Variants in CTDSPL observed in about 807,000 individuals in gnomAD.
CTDSPL encodes CTD small phosphatase like.
A neutral mutation model predicts 30.5 loss-of-function variants in CTDSPL; 8 were observed. That is an observed-to-expected ratio of 0.26 (90% CI 0.15 to 0.47). CTDSPL has a LOEUF of 0.47. Among genes scored for constraint, CTDSPL ranks in the 20% least tolerant of loss-of-function variants. CTDSPL has a pLI of 0.99. For synonymous variants in CTDSPL, 110 were observed against 137.9 expected (o/e 0.80, Z 1.42); for missense variants, 248 against 366.1 (o/e 0.68, Z 2.63).
intron 7 of CTDSPL, 72 bp from the exon 8 acceptor site, chr3:37,980,670 A>G: frequency 1.3e-6 from 2 of 1,556,866 alleles, no homozygotes; most frequent in South Asian, 1.2e-5. Flanking sequence ...AAGTCCGGGT[A>G]CCCGGTTAGG....
chr3:37,870,024 AT>A (rs898266419), intron 1 of CTDSPL, among the ~76,000 whole-genome samples: 2 of 151,620 alleles, frequency 1.3e-5, no homozygotes, highest in African/African-American at 2.4e-5. Flanking sequence ...TTTGTTAAGG[AT>A]TTTTTTGTCT....
chr3:37,977,811 C>T (rs563090010), intron 7 of CTDSPL, among the ~76,000 whole-genome samples: 1 of 151,850 alleles, frequency 6.6e-6, no homozygotes, highest in Admixed American at 6.6e-5. Context: ...GTGGGAGGAT[C>T]TCTTGAGCCC....
At chr3:37,882,623 T>A (rs1026655084) in intron 1 of CTDSPL, among the ~76,000 whole-genome samples, 2 of 149,232 alleles carry the variant, frequency 1.3e-5, no homozygotes, top group African/African-American at 4.9e-5. Context: ...TCTCAAAAAA[T>A]AATAATAATA....
chr3:37,955,172 G>C (rs781528635), intron 2 of CTDSPL: 3 of 152,282 alleles, frequency 2.0e-5, no homozygotes, highest in Non-Finnish European at 4.4e-5. Context: ...GTAGAGGCCA[G>C]GGATGCTGTT....
At chr3:37,940,830 C>T (rs2125619721) in intron 1 of CTDSPL, among the ~76,000 whole-genome samples, 1 of 150,410 alleles carries the variant, frequency 6.6e-6, no homozygotes, top group African/African-American at 2.4e-5. Context: ...GTCAGATGTC[C>T]ACTACACTCC....
At position 37,984,166 on chromosome 3, in the gene CTDSPL, T is replaced by G. The variant is rs1264336830; in HGVS notation, c.*3299T>G. The stretch of plus-strand genomic sequence containing the variant: ...GTGAATGGCTTGACGTACTTGCAGT[T>G]AACTGTGCAAAATTGGCTGGCTGCC... On this transcript the variant is annotated 3_prime_UTR_variant, in exon 8 of 8. Coordinates refer to ENST00000273179, the MANE Select transcript of CTDSPL (RefSeq NM_001008392.2). 2.2e-6 allele frequency: 1 copy of G among 455,270 alleles called. No individual in the cohort carries two copies. The allele number at this position is 455,270 out of a possible 1,614,324, so 28.2% of individuals were successfully genotyped here. A position where few individuals can be genotyped will look rare whatever the true frequency, so the allele number is the denominator to read the frequency against.
At chr3:37,876,858 A>G (rs1210564064) in intron 1 of CTDSPL, among the ~76,000 whole-genome samples, 1 of 152,000 alleles carries the variant, frequency 6.6e-6, no homozygotes, top group Non-Finnish European at 1.5e-5. Context: ...CTGTAATCCC[A>G]GCACTTTGGG....
In CTDSPL at chr3:37,957,098, T is replaced by C; in HGVS notation, c.235-13T>C. On this transcript the variant is annotated splice_polypyrimidine_tract_variant and intron_variant, in intron 2 of 7. Transcript: ENST00000273179. ...TCGAACCTGACAATGATTTTTTTTT[T>C]CTTTTTCCTCAGGGTGACCAGAGGC... 6.3e-7 allele frequency: 1 copy of C among 1,598,122 alleles called. No homozygotes were observed. Among genetic ancestry groups the C allele is most frequent in the East Asian group, 2.2e-5 (1 of 44,620 alleles).
chr3:37,870,522 G>C (rs1017615206), intron 1 of CTDSPL, among the ~76,000 whole-genome samples: 1 of 151,992 alleles, frequency 6.6e-6, no homozygotes, highest in Non-Finnish European at 1.5e-5. Context: ...GTTCTTTGTT[G>C]CATTGATTTT....
chr3:37,882,681 T>C (rs1445126844), intron 1 of CTDSPL, among the ~76,000 whole-genome samples: 2 of 152,150 alleles, frequency 1.3e-5, no homozygotes, highest in Admixed American at 1.3e-4. Context: ...TTAAAAATAT[T>C]ACTGCCTTCA....
intron 1 of CTDSPL, among the ~76,000 whole-genome samples, chr3:37,889,008 C>G (rs1269039521): frequency 6.6e-6 from 1 of 152,148 alleles, no homozygotes; most frequent in African/African-American, 2.4e-5. Flanking sequence ...ATAATCTTAC[C>G]TCTGGGTCTT....
At chr3:37,961,310 G>A (rs886951145) in intron 3 of CTDSPL, among the ~76,000 whole-genome samples, 11 of 152,166 alleles carry the variant, frequency 7.2e-5, no homozygotes, top group African/African-American at 1.7e-4. Context: ...TTTGGTGAAC[G>A]TCGGGTATTG....
At chr3:37,971,841 C>T (rs1341169792) in intron 6 of CTDSPL, among the ~76,000 whole-genome samples, 1 of 152,188 alleles carries the variant, frequency 6.6e-6, no homozygotes, top group Non-Finnish European at 1.5e-5. Flanking sequence ...CAGCCAACTG[C>T]TAGAGGCCCC....
intron 1 of CTDSPL, among the ~76,000 whole-genome samples, chr3:37,909,649 A>T (rs1402262167): frequency 6.6e-6 from 1 of 152,232 alleles, no homozygotes; most frequent in Non-Finnish European, 1.5e-5. Flanking sequence ...GGAGGGAAAG[A>T]AATAGTCCTG....
intron 1 of CTDSPL, among the ~76,000 whole-genome samples, chr3:37,922,743 G>T (rs1180040721): frequency 6.6e-6 from 1 of 152,148 alleles, no homozygotes; most frequent in Non-Finnish European, 1.5e-5. Flanking sequence ...AGCATTCCAG[G>T]TTCCAAACAA....
At chr3:37,888,111 T>C (rs1698283212) in intron 1 of CTDSPL, among the ~76,000 whole-genome samples, 1 of 152,106 alleles carries the variant, frequency 6.6e-6, no homozygotes, top group Admixed American at 6.6e-5. Context: ...CTTCATAAAG[T>C]TTGGGTCTGA....
intron 1 of CTDSPL, among the ~76,000 whole-genome samples, chr3:37,879,316 T>A (rs1698175702): frequency 6.6e-6 from 1 of 152,214 alleles, no homozygotes; most frequent in Non-Finnish European, 1.5e-5. Flanking sequence ...GTGGCTAACA[T>A]CCTTTTCTAC....
intron 1 of CTDSPL, among the ~76,000 whole-genome samples, chr3:37,927,636 A>ATGTGTGTG (rs71094932): frequency 0.016 from 1,894 of 115,672 alleles, 26 homozygotes; most frequent in Middle Eastern, 0.041. Context: ...AGAAAAATAT[A>ATGTGTGTG]TGTGTGTGTG....
intron 1 of CTDSPL, among the ~76,000 whole-genome samples, chr3:37,946,006 C>T (rs1699032828): frequency 6.6e-6 from 1 of 152,206 alleles, no homozygotes; most frequent in Non-Finnish European, 1.5e-5. Flanking sequence ...AAGAGATAAG[C>T]TCCAACAGTT....
Sources: gnomAD v4.1 joint callset for allele counts (sites outside exome capture counted in the v4.1 genomes callset) on GRCh38, gnomAD v4.1.1 for gene constraint, MANE v1.5 for transcripts, NCBI Gene and HGNC (gene_info 2026-07-23, HGNC 2026-07-21) for gene names.